IFT74: variants seen among roughly 807,000 people sequenced by gnomAD.
IFT74 encodes the protein intraflagellar transport 74.
Under a neutral mutation model 96.7 loss-of-function variants are expected in IFT74, and 92 were observed. The observed-to-expected ratio is 0.95, with a 90% CI of 0.80 to 1.13. The LOEUF (loss-of-function observed/expected upper bound fraction) is 1.13, where lower values mean the gene tolerates loss of function less well. IFT74 is among the 50% of genes most tolerant of loss of function. The probability of loss-of-function intolerance (pLI) is 0.00; values close to 1 mark genes in which losing one functional copy is unlikely to be tolerated. For missense variants in IFT74, 811 were observed against 698.2 expected (o/e 1.16, Z -1.82); for synonymous variants, 223 against 213.2 (o/e 1.05, Z -0.40).
intron 16 of IFT74, 107 bp downstream of exon 16, chr9:27,048,381 C>G (rs1413883454): frequency 4.2e-6 from 3 of 715,018 alleles, no homozygotes; most frequent in Non-Finnish European, 2.2e-6. Flanking sequence ...TTATGATTGC[C>G]TATTGCCCCA....
chr9:27,060,724 C>A, intron 19 of IFT74, 73 bp downstream of exon 19: 1 of 1,047,510 alleles, frequency 9.5e-7, no homozygotes, highest in Non-Finnish European at 1.4e-6. Flanking sequence ...TTTGGGAGGC[C>A]GAGGCAGGTG....
intron 1 of IFT74, among the ~76,000 whole-genome samples, chr9:26,947,874 T>C (rs1287650504): frequency 6.6e-6 from 1 of 152,234 alleles, no homozygotes; most frequent in East Asian, 1.9e-4. Flanking sequence ...TAGGTCTGAG[T>C]TAGAGCTGAG....
chr9:26,972,636 C>T lies in IFT74; in HGVS notation c.121-5492C>T, dbSNP rs537270429. On this transcript the variant is annotated intron_variant, in intron 2 of 19. Transcript: ENST00000380062. ...GCTTCCACTGGGTAAGTTTTTCATACAAAAATTTACTTTTTAGTGAGTATG... is the reference window on the plus strand; with the variant it reads ...GCTTCCACTGGGTAAGTTTTTCATATAAAAATTTACTTTTTAGTGAGTATG... Among the ~76,000 whole-genome samples, 72 of 152,246 alleles carry T rather than the reference C, an allele frequency of 4.7e-4. No individual in the cohort carries two copies. The Middle Eastern group carries it at 0.01, about 22-fold the overall frequency.
At chr9:27,024,310 T>C (rs1162078961) in intron 12 of IFT74, among the ~76,000 whole-genome samples, 1 of 152,196 alleles carries the variant, frequency 6.6e-6, no homozygotes, top group African/African-American at 2.4e-5. Context: ...TATCCACAGC[T>C]GAGACCCTAA....
intron 8 of IFT74, chr9:26,996,574 A>T (rs1327515057): frequency 9.4e-7 from 1 of 1,059,014 alleles, no homozygotes; most frequent in Non-Finnish European, 1.2e-6. Context: ...TGTTTTATCT[A>T]GAATTTTTGA....
intron 8 of IFT74, among the ~76,000 whole-genome samples, chr9:26,991,856 A>AT (rs761038641): frequency 6.6e-6 from 1 of 151,900 alleles, no homozygotes; most frequent in African/African-American, 2.4e-5. Flanking sequence ...CGGTAAAACC[A>AT]TATCTCTACT....
rs750259438 is a variant in IFT74, at chr9:26,996,442, T to A, written c.587+6247T>A. 1.9e-6 allele frequency: 3 copies of A among 1,585,132 alleles called. No individual in the cohort carries two copies. The Admixed American group carries it at 5.1e-5, about 27-fold the overall frequency. ...GCATTCAGCCTTATGAGGTACTGTT[T>A]TGATATTGTAGCTCTGCAGGCTGTT... On this transcript the variant is annotated intron_variant, in intron 8 of 19. Coordinates refer to ENST00000380062, the MANE Select transcript of IFT74 (RefSeq NM_025103.4).
intron 8 of IFT74, chr9:26,996,509 C>G: frequency 7.1e-7 from 1 of 1,414,024 alleles, no homozygotes; most frequent in South Asian, 1.8e-5. Context: ...TCTAGTAAAT[C>G]AGAAAGAATA....
intron 13 of IFT74, among the ~76,000 whole-genome samples, chr9:27,030,774 T>C (rs1246561954): frequency 6.6e-6 from 1 of 152,196 alleles, no homozygotes; most frequent in Non-Finnish European, 1.5e-5. Context: ...TTAGTTGAAA[T>C]GCCAACAATT....
intron 1 of IFT74, among the ~76,000 whole-genome samples, chr9:26,956,744 C>G (rs1259213016): frequency 6.6e-6 from 1 of 152,216 alleles, no homozygotes; most frequent in African/African-American, 2.4e-5. Context: ...AGGAGACCCG[C>G]CAAGCACAGA....
At chr9:27,037,643 G>A (rs977421210) in intron 13 of IFT74, among the ~76,000 whole-genome samples, 3 of 152,188 alleles carry the variant, frequency 2.0e-5, no homozygotes, top group African/African-American at 7.2e-5. Context: ...TCAAAGCCTG[G>A]AAAGATCGTT....
chr9:27,020,367 GT>G, intron 12 of IFT74, among the ~76,000 whole-genome samples: 1 of 150,012 alleles, frequency 6.7e-6, no homozygotes, highest in African/African-American at 2.4e-5. Context: ...TTTTTTTTCT[GT>G]TTTTTGTAAC....
intron 8 of IFT74, chr9:26,997,802 T>C: frequency 1.9e-6 from 3 of 1,614,134 alleles, no homozygotes; most frequent in Non-Finnish European, 1.7e-6. Flanking sequence ...TAGGTTTCCA[T>C]ATAAAGTTAT....
intron 9 of IFT74, among the ~76,000 whole-genome samples, chr9:27,011,431 ATGTGTATGTATG>A (rs1258078988): frequency 1.3e-5 from 2 of 152,174 alleles, no homozygotes; most frequent in African/African-American, 2.4e-5. Flanking sequence ...ATTTACATAT[ATGTGTATGTATG>A]TGTGCATGTG....
chr9:27,021,659 C>A (rs938028673), intron 12 of IFT74, among the ~76,000 whole-genome samples: 12 of 151,952 alleles, frequency 7.9e-5, no homozygotes, highest in Admixed American at 6.6e-5. Flanking sequence ...GTCCTTAGCC[C>A]ACTTTTCACT....
chr9:27,048,362 G>T, intron 16 of IFT74, 88 bp downstream of exon 16: 1 of 927,418 alleles, frequency 1.1e-6, no homozygotes, highest in Admixed American at 3.3e-5. Flanking sequence ...CATTGACAGA[G>T]GCTATAATTT....
intron 12 of IFT74, among the ~76,000 whole-genome samples, chr9:27,021,549 A>G (rs1405566228): frequency 6.6e-6 from 1 of 152,110 alleles, no homozygotes; most frequent in East Asian, 1.9e-4. Flanking sequence ...GTGGTATTGC[A>G]TTGTGGTTTT....
intron 13 of IFT74, among the ~76,000 whole-genome samples, chr9:27,033,962 CG>C (rs1830243548): frequency 6.6e-6 from 1 of 151,962 alleles, no homozygotes; most frequent in Non-Finnish European, 1.5e-5. Flanking sequence ...CTGACAGTTC[CG>C]AAGTTTTGAC....
chr9:27,061,329 T>C (rs931267444), intron 19 of IFT74, among the ~76,000 whole-genome samples: 1 of 152,228 alleles, frequency 6.6e-6, no homozygotes, highest in Non-Finnish European at 1.5e-5. Context: ...AGTTACAAAC[T>C]GGACAATTTA....
Sources: allele counts gnomAD v4.1 joint callset (sites outside exome capture counted in the v4.1 genomes callset), GRCh38; gene constraint gnomAD v4.1.1; transcripts MANE v1.5; gene names NCBI Gene and HGNC (gene_info 2026-07-23, HGNC 2026-07-21).